The following SATB2 variants were observed in gnomAD, a reference collection of about 807,000 sequenced individuals.
SATB2 encodes SATB homeobox 2.
In SATB2, 1 loss-of-function variant was observed where a neutral mutation model predicts 73.4. The ratio of observed to expected loss-of-function variants is 0.01; its 90% CI spans 0.00 to 0.06. The LOEUF (loss-of-function observed/expected upper bound fraction) is 0.06. SATB2 is among the 10% of genes least tolerant of loss of function. The probability of loss-of-function intolerance (pLI) is 1.00; values close to 1 mark genes in which losing one functional copy is unlikely to be tolerated. For synonymous variants in SATB2, 397 were observed against 367.0 expected (o/e 1.08, Z -0.93); for missense variants, 459 against 945.8 (o/e 0.49, Z 6.75).
chr2:199,409,655 TTTTG>T (rs1209817440), intron 3 of SATB2, among the ~76,000 whole-genome samples: 1 of 137,622 alleles, frequency 7.3e-6, no homozygotes, highest in Non-Finnish European at 1.7e-5. Flanking sequence ...GACAAGTTTT[TTTTG>T]TTTTTTTTTG....
chr2:199,436,923 AAAAG>A (rs1286809171), intron 2 of SATB2, among the ~76,000 whole-genome samples: 1 of 152,050 alleles, frequency 6.6e-6, no homozygotes, highest in Non-Finnish European at 1.5e-5. Flanking sequence ...AAAGAAAAAA[AAAAG>A]AGAGAGAAAA....
intron 2 of SATB2, among the ~76,000 whole-genome samples, chr2:199,445,161 C>G (rs1052881287): frequency 6.6e-6 from 1 of 152,160 alleles, no homozygotes; most frequent in Non-Finnish European, 1.5e-5. Context: ...AAACACAAAC[C>G]TACAACAGTC....
chr2:199,286,275 A>G (rs1692685689), intron 10 of SATB2, among the ~76,000 whole-genome samples: 1 of 152,302 alleles, frequency 6.6e-6, no homozygotes, highest in South Asian at 2.1e-4. Context: ...CTATGAAGAG[A>G]GTATAGAAAA....
chr2:199,456,973 G>A (rs1469655553), intron 1 of SATB2, among the ~76,000 whole-genome samples: 3 of 142,148 alleles, frequency 2.1e-5, no homozygotes, highest in African/African-American at 7.6e-5. Flanking sequence ...GGATTGGGGG[G>A]GTGGGGGGGG....
At chr2:199,386,712 G>GCACA (rs1689964177) in intron 3 of SATB2, among the ~76,000 whole-genome samples, 5 of 67,670 alleles carry the variant, frequency 7.4e-5, no homozygotes, top group Middle Eastern at 6.8e-3. Context: ...GCGCGCGCGC[G>GCACA]CGCGCACACA....
At chr2:199,392,338 G>A (rs1255580316) in intron 3 of SATB2, among the ~76,000 whole-genome samples, 1 of 151,900 alleles carries the variant, frequency 6.6e-6, no homozygotes, top group Admixed American at 6.5e-5. Context: ...GGAAAGTAGG[G>A]CTAAGGTGCA....
At chr2:199,378,696 T>C (rs1471284458) in intron 5 of SATB2, among the ~76,000 whole-genome samples, 2 of 152,160 alleles carry the variant, frequency 1.3e-5, no homozygotes, top group Admixed American at 1.3e-4. Flanking sequence ...ACACATTCAG[T>C]TCACATCATA....
At position 199,413,865 on chromosome 2, in the gene SATB2, C is replaced by T. The variant is rs943524593; in HGVS notation, c.346+19473G>A. On this transcript the variant is annotated intron_variant, in intron 3 of 10. Coordinates refer to ENST00000417098, the MANE Select transcript of SATB2 (RefSeq NM_001172509.2). ...GGTCCCTGGCGGCATTGTGAAGATG[C>T]TGCACTGGACACCTACACGAGACAA... 1.3e-5 allele frequency among the ~76,000 whole-genome samples: 2 copies of T among 152,102 alleles called. 1 individual carries two copies. The highest frequency in any genetic ancestry group is 4.8e-5 in the African/African-American group (2 of 41,422).
chr2:199,272,820 C>T lies in SATB2; in HGVS notation c.1741-148G>A, dbSNP rs1692201673. 4.1e-6 allele frequency: 3 copies of T among 727,076 alleles called. No homozygotes were observed. The highest frequency in any genetic ancestry group is 1.7e-5 in the South Asian group (1 of 59,426). 45.0% of individuals were successfully genotyped at this position (727,076 alleles called of 1,614,324 possible). A position where few individuals can be genotyped will look rare whatever the true frequency, so the allele number is the denominator to read the frequency against. ...GTCAGGTCTTTGGAAAGCTTAAAAG[C>T]ATTTCTGGACATTTAGTATCTCACC... On this transcript the variant is annotated intron_variant, in intron 10 of 10. Coordinates refer to ENST00000417098, the MANE Select transcript of SATB2 (RefSeq NM_001172509.2). This position sits in a 1 kb window ranked among gnomAD's most constrained non-coding sequence, Gnocchi z 6.7.
chr2:199,363,402 C>T (rs1689193916), intron 6 of SATB2, among the ~76,000 whole-genome samples: 1 of 152,148 alleles, frequency 6.6e-6, no homozygotes, highest in African/African-American at 2.4e-5. Flanking sequence ...CACAGAAAGA[C>T]AAATGCTGCA....
In SATB2 at chr2:199,382,302, C is replaced by A. The variant is rs1689802869; in HGVS notation, c.347-482G>T. Among the ~76,000 whole-genome samples, 5 of 152,200 alleles carry A rather than the reference C, an allele frequency of 3.3e-5. No individual in the cohort carries two copies. In the South Asian group the frequency reaches 1.0e-3, roughly 31 times the overall value. ...TTCCCAGTGCGAACAGCATTTGGAG[C>A]TCATGAAGCAGTTAGAGTTCGCTCC... On this transcript the variant is annotated intron_variant, in intron 3 of 10. Transcript: ENST00000417098.
chr2:199,346,053 T>C (rs963952580), intron 7 of SATB2, among the ~76,000 whole-genome samples: 2 of 151,954 alleles, frequency 1.3e-5, no homozygotes, highest in Non-Finnish European at 2.9e-5. Flanking sequence ...GTTTTTCCCA[T>C]AAAAAGGTAG....
At chr2:199,368,376 A>G (rs1022323850) in intron 6 of SATB2, among the ~76,000 whole-genome samples, 2 of 152,174 alleles carry the variant, frequency 1.3e-5, no homozygotes, top group African/African-American at 2.4e-5. Context: ...GGTATCACTT[A>G]TGAAAACTAT....
At chr2:199,364,243 C>A (rs1458540629) in intron 6 of SATB2, among the ~76,000 whole-genome samples, 1 of 152,134 alleles carries the variant, frequency 6.6e-6, no homozygotes, top group Non-Finnish European at 1.5e-5. Flanking sequence ...TTAATCACAA[C>A]CCACTTAACC....
chr2:199,467,612 GCAGCC>G (rs1338687625), upstream of SATB2: 1 of 152,284 alleles, frequency 6.6e-6, no homozygotes, highest in East Asian at 1.9e-4. Context: ...CCCTCCCTCT[GCAGCC>G]CAGCTGCACC....
chr2:199,337,624 G>T (rs965067757), intron 7 of SATB2, among the ~76,000 whole-genome samples: 3 of 152,180 alleles, frequency 2.0e-5, no homozygotes, highest in Admixed American at 6.5e-5. Flanking sequence ...TCATCTGGGG[G>T]TGTGTACCAG....
At chr2:199,348,600 T>C in intron 7 of SATB2, 101 bp downstream of exon 7, 1 of 923,336 alleles carries the variant, frequency 1.1e-6, no homozygotes, top group Non-Finnish European at 1.7e-6. Flanking sequence ...TTCTATGTCC[T>C]GAGATCCATA....
At chr2:199,278,759 C>T (rs903164954) in intron 10 of SATB2, among the ~76,000 whole-genome samples, 1 of 152,174 alleles carries the variant, frequency 6.6e-6, no homozygotes, top group Non-Finnish European at 1.5e-5. Flanking sequence ...TTGTCATAAA[C>T]ACAGCCAGAA....
intron 9 of SATB2, among the ~76,000 whole-genome samples, chr2:199,312,770 AC>A (rs1466978025): frequency 6.6e-6 from 1 of 152,208 alleles, no homozygotes; most frequent in African/African-American, 2.4e-5. Context: ...ATATACTGAC[AC>A]CACGAATGCT....
Sources: gnomAD v4.1 joint callset for allele counts (sites outside exome capture counted in the v4.1 genomes callset) on GRCh38, gnomAD v4.1.1 for gene constraint, Gnocchi (gnomAD v3.1) non-coding constraint, MANE v1.5 for transcripts, NCBI Gene and HGNC (gene_info 2026-07-23, HGNC 2026-07-21) for gene names.